Variants in EPC2 observed in about 807,000 individuals in gnomAD.
The protein encoded by EPC2 is enhancer of polycomb 2, also known as enhancer of polycomb homolog 2.
EPC2 carries 14 observed loss-of-function variants against 92.1 expected under a neutral mutation model. That is an observed-to-expected ratio of 0.15 (90% confidence interval 0.10 to 0.24). EPC2 has a LOEUF of 0.24. EPC2 is among the 10% of genes least tolerant of loss of function. EPC2 has a pLI of 1.00. For synonymous variants in EPC2, 340 were observed against 334.7 expected, an observed-to-expected ratio of 1.02 and a Z score of -0.17; for missense variants, 755 against 971.5, an observed-to-expected ratio of 0.78 and a Z score of 2.96.
chr2:148,690,450 G>GA, intron 2 of EPC2, 77 bp downstream of exon 2: 1 of 1,377,406 alleles, frequency 7.3e-7, no homozygotes, highest in East Asian at 2.4e-5. Context: ...TTTGTCTAAA[G>GA]AAATTCTGAT....
At chr2:148,664,642 C>CA (rs1183736911) in intron 1 of EPC2, among the ~76,000 whole-genome samples, 8 of 152,214 alleles carry the variant, frequency 5.3e-5, no homozygotes, top group African/African-American at 1.9e-4. Flanking sequence ...CCAATCCCTC[C>CA]ACCTCCTGGT....
intron 4 of EPC2, among the ~76,000 whole-genome samples, chr2:148,759,148 A>G (rs1412634824): frequency 6.6e-6 from 1 of 152,198 alleles, no homozygotes; most frequent in African/African-American, 2.4e-5. Flanking sequence ...GCTGGAGTGC[A>G]GTGGTGCAAT....
intron 2 of EPC2, among the ~76,000 whole-genome samples, chr2:148,734,290 A>T (rs1682707355): frequency 6.6e-6 from 1 of 152,108 alleles, no homozygotes. Context: ...ATTAATCTTT[A>T]AAAAAATAAG....
chr2:148,766,993 G>C (rs2105427624), intron 7 of EPC2, among the ~76,000 whole-genome samples: 2 of 152,192 alleles, frequency 1.3e-5, no homozygotes, highest in South Asian at 4.1e-4. Context: ...AGACCAGCCT[G>C]GGCAACATGG....
At chr2:148,645,346 C>T in intron 1 of EPC2, 176 bp downstream of exon 1, 2 of 571,418 alleles carry the variant, frequency 3.5e-6, no homozygotes, top group Non-Finnish European at 6.2e-6. Flanking sequence ...GTAGCGCCCG[C>T]CCGCGGCCGC....
chr2:148,771,915 C>T (rs1185090459), intron 10 of EPC2, among the ~76,000 whole-genome samples: 1 of 152,010 alleles, frequency 6.6e-6, no homozygotes, highest in African/African-American at 2.4e-5. Flanking sequence ...TCTCCTGTCT[C>T]AGCCTCCCAA....
intron 4 of EPC2, among the ~76,000 whole-genome samples, chr2:148,754,932 C>T (rs542593793): frequency 1.1e-3 from 174 of 152,240 alleles, no homozygotes; most frequent in African/African-American, 4.1e-3. Context: ...ACAGTAGTAC[C>T]TTCTCTAACA....
In EPC2 at chr2:148,781,714, A is replaced by G. The variant is rs979113522; in HGVS notation, c.1791A>G (p.Gln597=). The G allele has an allele frequency of 2.5e-6, 4 of 1,613,908 alleles. No individual in the cohort carries two copies. Among genetic ancestry groups the G allele is most frequent in the South Asian group, 1.1e-5 (1 of 91,090 alleles). ...QQQLVQMQRQ[Q]LAQLQQKQQS... ...AGTTAGTTCAGATGCAAAGGCAGCA[A>G]CTTGCCCAGCTTCAGCAGAAACAGC... The change falls in exon 11 of 14, where the codon CAA becomes CAG. Residue 597 remains glutamine (Q), a synonymous_variant. Coordinates refer to ENST00000258484, the MANE Select transcript of EPC2 (RefSeq NM_015630.4).
chr2:148,727,125 G>C (rs1177433949), intron 2 of EPC2, among the ~76,000 whole-genome samples: 1 of 152,072 alleles, frequency 6.6e-6, no homozygotes, highest in Non-Finnish European at 1.5e-5. Flanking sequence ...ATAAGGTAAG[G>C]ATCCAATTTC....
chr2:148,757,085 A>G (rs999614892), intron 4 of EPC2, among the ~76,000 whole-genome samples: 10 of 152,210 alleles, frequency 6.6e-5, no homozygotes, highest in Non-Finnish European at 1.5e-4. Context: ...TTTAATATTG[A>G]TATAGTTAGG....
chr2:148,734,078 T>G (rs972671647), intron 2 of EPC2, among the ~76,000 whole-genome samples: 1 of 152,240 alleles, frequency 6.6e-6, no homozygotes, highest in African/African-American at 2.4e-5. Context: ...CATGCCTGGT[T>G]GTTTATTACT....
chr2:148,717,180 C>A (rs1682278361), intron 2 of EPC2, among the ~76,000 whole-genome samples: 1 of 147,128 alleles, frequency 6.8e-6, no homozygotes, highest in East Asian at 2.0e-4. Flanking sequence ...AAAAACAACT[C>A]CTGGATTCAT....
At chr2:148,782,005 A>C (rs1433372671) in intron 11 of EPC2, among the ~76,000 whole-genome samples, 2 of 152,134 alleles carry the variant, frequency 1.3e-5, no homozygotes, top group African/African-American at 4.8e-5. Flanking sequence ...TGGTATTTTA[A>C]ATTTTTTGAA....
chr2:148,719,567 C>T (rs769760008), intron 2 of EPC2, among the ~76,000 whole-genome samples: 2 of 152,148 alleles, frequency 1.3e-5, no homozygotes, highest in East Asian at 3.9e-4. Context: ...TCACCAGTGA[C>T]GCCTGCAAAA....
chr2:148,687,574 T>C (rs905642482), intron 1 of EPC2, among the ~76,000 whole-genome samples: 1 of 152,254 alleles, frequency 6.6e-6, no homozygotes, highest in African/African-American at 2.4e-5. Context: ...TTCTTAAATA[T>C]GCTTTCTTGA....
chr2:148,734,050 T>C (rs888748879), intron 2 of EPC2, among the ~76,000 whole-genome samples: 36 of 152,188 alleles, frequency 2.4e-4, no homozygotes, highest in Non-Finnish European at 4.6e-4. Context: ...ATCACTTGTC[T>C]TTTACTTAGC....
At chr2:148,663,265 C>T (rs1413365998) in intron 1 of EPC2, among the ~76,000 whole-genome samples, 1 of 148,956 alleles carries the variant, frequency 6.7e-6, no homozygotes, top group African/African-American at 2.4e-5. Context: ...CTCGCCCAAG[C>T]TGGAAAGCAG....
intron 3 of EPC2, among the ~76,000 whole-genome samples, chr2:148,748,223 G>T (rs1192699004): frequency 6.6e-6 from 1 of 152,010 alleles, no homozygotes; most frequent in Non-Finnish European, 1.5e-5. Flanking sequence ...AGATGTGCCT[G>T]CTTCCCTTTC....
chr2:148,762,475 T>C (rs1213031256), intron 5 of EPC2, among the ~76,000 whole-genome samples, 195 bp from the exon 6 acceptor site: 2 of 152,032 alleles, frequency 1.3e-5, no homozygotes, highest in African/African-American at 4.8e-5. Context: ...ACCTTAGGCC[T>C]TTTTTAGTTT....
Sources: allele counts gnomAD v4.1 joint callset (sites outside exome capture counted in the v4.1 genomes callset), GRCh38; gene constraint gnomAD v4.1.1; transcripts MANE v1.5; gene names NCBI Gene and HGNC (gene_info 2026-07-23, HGNC 2026-07-21).